RBBP8: variants seen among roughly 807,000 people sequenced by gnomAD.
The protein encoded by RBBP8 is RB binding protein 8, endonuclease, also known as DNA endonuclease RBBP8.
Under a neutral mutation model 108.3 loss-of-function variants are expected in RBBP8, and 88 were observed. The observed-to-expected ratio is 0.81, with a 90% CI of 0.68 to 0.97. RBBP8 has a LOEUF of 0.97. Among genes scored for constraint, RBBP8 ranks in the 50% least tolerant of loss-of-function variants. The probability of loss-of-function intolerance (pLI) is 0.00; values close to 1 mark genes in which losing one functional copy is unlikely to be tolerated. For missense variants in RBBP8, 1,023 were observed against 1,049.0 expected (o/e 0.98, Z 0.34); for synonymous variants, 332 against 348.2 (o/e 0.95, Z 0.52).
chr18:22,996,917 G>A (rs1265085312), intron 13 of RBBP8, among the ~76,000 whole-genome samples: 1 of 152,116 alleles, frequency 6.6e-6, no homozygotes, highest in Admixed American at 6.5e-5. Context: ...AGGATACCTT[G>A]AACCCAGGAA....
At chr18:22,989,345 A>G in intron 9 of RBBP8, 27 bp downstream of exon 9, 1 of 1,479,422 alleles carries the variant, frequency 6.8e-7, no homozygotes, top group South Asian at 1.1e-5. Context: ...TTTGGCAATA[A>G]CATGAATTAA....
intron 4 of RBBP8, 84 bp from the exon 5 acceptor site, chr18:22,968,722 T>C: frequency 9.2e-7 from 1 of 1,086,298 alleles, no homozygotes; most frequent in South Asian, 1.3e-5. Flanking sequence ...CCAAGTCAGT[T>C]CCTTAAATCT....
chr18:22,988,609 T>C (rs1329909818), intron 8 of RBBP8, among the ~76,000 whole-genome samples: 1 of 152,218 alleles, frequency 6.6e-6, no homozygotes, highest in African/African-American at 2.4e-5. Flanking sequence ...TTATGTACCT[T>C]TATTATAATG....
intron 15 of RBBP8, among the ~76,000 whole-genome samples, chr18:23,004,228 T>G (rs1010013789): frequency 6.6e-5 from 10 of 152,016 alleles, no homozygotes; most frequent in African/African-American, 2.4e-4. Context: ...TCAGCCTAAG[T>G]GTCTACTTAC....
intron 9 of RBBP8, 143 bp downstream of exon 9, chr18:22,989,461 C>G: frequency 9.8e-6 from 6 of 613,530 alleles, no homozygotes; most frequent in Admixed American, 2.4e-5. Context: ...TTAGAAAGTC[C>G]TATTTCTGTT....
At chr18:22,928,813 G>A (rs1436750788), upstream of RBBP8, among the ~76,000 whole-genome samples, 1 of 151,968 alleles carries the variant, frequency 6.6e-6, no homozygotes. Context: ...GGGATTACAG[G>A]TGCCTGCCAC....
rs1179626297 is a variant in RBBP8 at position 22,984,892 on chromosome 18, GAA to G, written c.614_615del (p.Lys205SerfsTer11). 1 of 1,591,302 alleles carries G rather than the reference GAA, an allele frequency of 6.3e-7. No individual in the cohort carries two copies. Among genetic ancestry groups the G allele is most frequent in the Non-Finnish European group, 8.6e-7 (1 of 1,161,346 alleles). On this transcript the variant is annotated frameshift_variant, in exon 8 of 19. Coordinates refer to ENST00000327155, the MANE Select transcript of RBBP8 (RefSeq NM_002894.3). LOFTEE classifies it high-confidence loss of function. ...TATTTTTTTCTCCCCTTAGAAATGA[GAA>G]AAGTTTCCAAGTCTTCAACTCATCC...
chr18:22,947,648 G>A (rs1567952761), intron 3 of RBBP8, among the ~76,000 whole-genome samples: 1 of 152,094 alleles, frequency 6.6e-6, no homozygotes, highest in African/African-American at 2.4e-5. Flanking sequence ...AGTGATTGGT[G>A]TAGTAATAAC....
intron 8 of RBBP8, among the ~76,000 whole-genome samples, chr18:22,986,601 A>G (rs967528662): frequency 3.3e-5 from 5 of 152,194 alleles, no homozygotes; most frequent in African/African-American, 1.2e-4. Flanking sequence ...GCATTTATTT[A>G]TGTTGATAGG....
chr18:22,958,458 T>G (rs569051233), intron 4 of RBBP8, among the ~76,000 whole-genome samples: 20 of 152,356 alleles, frequency 1.3e-4, no homozygotes, highest in African/African-American at 4.8e-4. Context: ...CTCACTACCC[T>G]TTTTCATGTT....
intron 18 of RBBP8, among the ~76,000 whole-genome samples, chr18:23,023,113 G>A (rs943473882): frequency 6.6e-5 from 10 of 151,534 alleles, no homozygotes; most frequent in Admixed American, 1.3e-4. Flanking sequence ...GCTCAGGCTG[G>A]TCGTGAACTC....
chr18:22,982,417 G>A (rs778950266), intron 7 of RBBP8, 24 bp downstream of exon 7: 1 of 1,612,840 alleles, frequency 6.2e-7, no homozygotes, highest in Admixed American at 1.7e-5. Context: ...TTGTATTTTA[G>A]TTCTCTGGTT....
At chr18:23,001,037 A>G (rs1567991530) in intron 14 of RBBP8, among the ~76,000 whole-genome samples, 1 of 152,204 alleles carries the variant, frequency 6.6e-6, no homozygotes, top group Admixed American at 6.5e-5. Context: ...CATGCATTAC[A>G]TCTGTTCACC....
rs1333088337 is a variant in RBBP8, at chr18:23,001,401, T to C, written c.2144-185T>C. On this transcript the variant is annotated intron_variant, in intron 14 of 18. Coordinates refer to ENST00000327155, the MANE Select transcript of RBBP8 (RefSeq NM_002894.3). ...GTGTCATGGGAATTTGTTGCACATA[T>C]TATTACATTACACAGTTACTAAGCT... is the stretch of plus-strand genomic sequence containing the variant. 3.3e-5 allele frequency among the ~76,000 whole-genome samples: 5 copies of C among 152,224 alleles called. No individual in the cohort carries two copies. The East Asian group carries it at 9.6e-4, about 29-fold the overall frequency.
intron 6 of RBBP8, among the ~76,000 whole-genome samples, chr18:22,980,887 T>C (rs1300722153): frequency 6.6e-6 from 1 of 151,110 alleles, no homozygotes; most frequent in Non-Finnish European, 1.5e-5. Context: ...GCAAATTTTT[T>C]AATATATTTG....
intron 6 of RBBP8, among the ~76,000 whole-genome samples, chr18:22,976,102 C>G (rs1393971965): frequency 6.6e-6 from 1 of 152,058 alleles, no homozygotes; most frequent in Non-Finnish European, 1.5e-5. Context: ...GTAGATGTAA[C>G]ATTATTTTGG....
intron 14 of RBBP8, among the ~76,000 whole-genome samples, chr18:22,999,247 A>G (rs990545636): frequency 3.3e-5 from 5 of 152,202 alleles, no homozygotes; most frequent in African/African-American, 1.2e-4. Flanking sequence ...TCTTATCTTC[A>G]TAGTTCCTGT....
At chr18:22,983,909 G>A (rs1403180079) in intron 7 of RBBP8, among the ~76,000 whole-genome samples, 1 of 143,286 alleles carries the variant, frequency 7.0e-6, no homozygotes, top group Non-Finnish European at 1.6e-5. Context: ...GTGAAACCCT[G>A]TATGTACTAA....
Position 22,993,902 on chromosome 18 carries a change from C to T in RBBP8, c.1939+55C>T. ...TTTTTAATGACTTCAGATTGAATGT[C>T]ATTATTTACTTTTTTAAATAGATTG... On this transcript the variant is annotated intron_variant, in intron 12 of 18. Transcript: ENST00000327155. The T allele has an allele frequency of 3.3e-6, 5 of 1,533,358 alleles. No homozygotes were observed. The South Asian group carries it at 4.6e-5, about 14-fold the overall frequency. The allele number at this position is 1,533,358 out of a possible 1,614,324, so 95.0% of individuals were successfully genotyped here.
Sources: allele counts gnomAD v4.1 joint callset (sites outside exome capture counted in the v4.1 genomes callset), GRCh38; gene constraint gnomAD v4.1.1; transcripts MANE v1.5; gene names NCBI Gene and HGNC (gene_info 2026-07-23, HGNC 2026-07-21).